Variants in NAALADL2 observed in about 807,000 individuals in gnomAD.
The protein encoded by NAALADL2 is inactive N-acetylated-alpha-linked acidic dipeptidase-like protein 2.
In NAALADL2, 76 loss-of-function variants were observed where a neutral mutation model predicts 87.2. The ratio of observed to expected loss-of-function variants is 0.87; its 90% CI spans 0.72 to 1.05. The LOEUF (loss-of-function observed/expected upper bound fraction) is 1.05. Ranked by LOEUF, NAALADL2 falls within the 50% of genes least tolerant of loss-of-function variation. The pLI is 0.00. For missense variants in NAALADL2, 1,089 were observed against 945.8 expected (o/e 1.15, Z -1.99); for synonymous variants, 354 against 331.0 (o/e 1.07, Z -0.75).
At chr3:174,606,922 T>A (rs1343209499) in intron 2 of NAALADL2, among the ~76,000 whole-genome samples, 1 of 151,374 alleles carries the variant, frequency 6.6e-6, no homozygotes, top group African/African-American at 2.4e-5. Flanking sequence ...GCCAGAAAGG[T>A]CGGGTTACCC....
intron 11 of NAALADL2, among the ~76,000 whole-genome samples, chr3:175,697,140 C>G (rs978047592): frequency 7.2e-5 from 11 of 152,054 alleles, no homozygotes; most frequent in African/African-American, 2.4e-4. Context: ...CAACATCAAG[C>G]AAGAAAGCCT....
At chr3:175,644,936 C>T (rs990869345) in intron 11 of NAALADL2, among the ~76,000 whole-genome samples, 10 of 151,506 alleles carry the variant, frequency 6.6e-5, no homozygotes, top group African/African-American at 2.4e-4. Flanking sequence ...CTGAAAATAT[C>T]CTTATAAGTC....
At position 175,500,813 on chromosome 3, in the gene NAALADL2, T is replaced by C. The variant is rs1729440069; in HGVS notation, c.1653+29055T>C. Among the ~76,000 whole-genome samples, 4 of 152,248 alleles carry C rather than the reference T, an allele frequency of 2.6e-5. No individual in the cohort carries two copies. In the South Asian group the frequency reaches 8.3e-4, roughly 32 times the overall value. ...CAGATCCCAAATGTGAACTTAAGAATCTGGTTCCAGAGTCTATTCTCATCA... is the reference window on the plus strand; with the variant it reads ...CAGATCCCAAATGTGAACTTAAGAACCTGGTTCCAGAGTCTATTCTCATCA... On this transcript the variant is annotated intron_variant, in intron 9 of 13. Coordinates refer to ENST00000454872, the MANE Select transcript of NAALADL2 (RefSeq NM_207015.3).
chr3:175,464,932 G>T (rs1430371147), intron 7 of NAALADL2, among the ~76,000 whole-genome samples: 2 of 152,054 alleles, frequency 1.3e-5, no homozygotes, highest in African/African-American at 4.8e-5. Context: ...GTTGTTATTG[G>T]AAAACCCAGT....
intron 4 of NAALADL2, among the ~76,000 whole-genome samples, chr3:175,258,333 A>G (rs1158022408): frequency 6.6e-6 from 1 of 151,222 alleles, no homozygotes; most frequent in Non-Finnish European, 1.5e-5. Flanking sequence ...CCAAAAAAAA[A>G]AAAAAAAAAA....
At chr3:174,990,107 A>C (rs1746511246) in intron 1 of NAALADL2, among the ~76,000 whole-genome samples, 1 of 152,186 alleles carries the variant, frequency 6.6e-6, no homozygotes, top group African/African-American at 2.4e-5. Context: ...CATATGATGT[A>C]TCTTGAAATA....
chr3:175,449,897 A>G (rs1459561826), intron 6 of NAALADL2, among the ~76,000 whole-genome samples: 1 of 152,218 alleles, frequency 6.6e-6, no homozygotes, highest in Non-Finnish European at 1.5e-5. Context: ...TTATGTTTTT[A>G]GAAAAATTGT....
chr3:174,941,964 CTG>C (rs1738674939), intron 1 of NAALADL2, among the ~76,000 whole-genome samples: 1 of 152,008 alleles, frequency 6.6e-6, no homozygotes, highest in Non-Finnish European at 1.5e-5. Flanking sequence ...AGTTACCACT[CTG>C]TGCCTTTTAA....
chr3:175,332,405 G>A (rs932885862), intron 5 of NAALADL2, among the ~76,000 whole-genome samples: 2 of 152,122 alleles, frequency 1.3e-5, no homozygotes, highest in African/African-American at 4.8e-5. Context: ...AGGCACAAGT[G>A]ATCCTCCCAC....
intron 3 of NAALADL2, among the ~76,000 whole-genome samples, chr3:175,250,305 G>A (rs1179896367): frequency 6.6e-6 from 1 of 150,730 alleles, no homozygotes; most frequent in African/African-American, 2.5e-5. Context: ...TTTGTCATGT[G>A]GGGACATAGT....
intron 1 of NAALADL2, among the ~76,000 whole-genome samples, chr3:175,053,444 G>A (rs1755676280): frequency 6.6e-6 from 1 of 152,080 alleles, no homozygotes; most frequent in Non-Finnish European, 1.5e-5. Context: ...TGTGACAGTT[G>A]GGATCCTCCT....
intron 1 of NAALADL2, among the ~76,000 whole-genome samples, chr3:175,053,362 G>A (rs1368059604): frequency 6.6e-6 from 1 of 152,126 alleles, no homozygotes; most frequent in African/African-American, 2.4e-5. Context: ...GCTTTCCTCA[G>A]GTTTTCTTCC....
At chr3:175,539,866 CTATT>C (rs1295330000) in intron 9 of NAALADL2, among the ~76,000 whole-genome samples, 2 of 152,092 alleles carry the variant, frequency 1.3e-5, no homozygotes, top group African/African-American at 2.4e-5. Context: ...AACTTGATAA[CTATT>C]TGTTTATGAT....
intron 1 of NAALADL2, among the ~76,000 whole-genome samples, chr3:174,998,098 C>A (rs1747765694): frequency 6.6e-6 from 1 of 152,136 alleles, no homozygotes; most frequent in African/African-American, 2.4e-5. Context: ...CTGGATATAG[C>A]AAATTACTTA....
At chr3:175,738,986 A>C (rs1242775223) in intron 12 of NAALADL2, among the ~76,000 whole-genome samples, 2 of 152,092 alleles carry the variant, frequency 1.3e-5, no homozygotes, top group Non-Finnish European at 2.9e-5. Context: ...TAGTTTTTAT[A>C]TTTTATACTT....
chr3:174,953,728 T>A (rs550756793), intron 1 of NAALADL2, among the ~76,000 whole-genome samples: 5 of 152,124 alleles, frequency 3.3e-5, no homozygotes, highest in African/African-American at 1.2e-4. Flanking sequence ...CCACACTCTG[T>A]TGCAAGCTTT....
chr3:174,777,465 A>G (rs908434887), intron 3 of NAALADL2, among the ~76,000 whole-genome samples: 3 of 152,156 alleles, frequency 2.0e-5, no homozygotes, highest in Admixed American at 2.0e-4. Flanking sequence ...TGAACTGGTT[A>G]TATATCATCA....
intron 11 of NAALADL2, among the ~76,000 whole-genome samples, chr3:175,645,370 G>A (rs1052819253): frequency 2.6e-5 from 4 of 151,950 alleles, no homozygotes; most frequent in Non-Finnish European, 5.9e-5. Flanking sequence ...TTCCTCATGG[G>A]GCTGACACTC....
At chr3:174,899,128 C>T (rs1359958269) in intron 1 of NAALADL2, among the ~76,000 whole-genome samples, 2 of 152,108 alleles carry the variant, frequency 1.3e-5, no homozygotes, top group Non-Finnish European at 2.9e-5. Flanking sequence ...AACATTAAAA[C>T]TACAAAGACA....
Sources: allele counts gnomAD v4.1 joint callset (sites outside exome capture counted in the v4.1 genomes callset), GRCh38; gene constraint gnomAD v4.1.1; transcripts MANE v1.5; gene names NCBI Gene and HGNC (gene_info 2026-07-23, HGNC 2026-07-21).